Variants in C12orf50 observed in about 807,000 individuals in gnomAD.
The protein encoded by C12orf50 is uncharacterized protein C12orf50.
C12orf50 carries 35 observed loss-of-function variants against 61.6 expected under a neutral mutation model. That is an observed-to-expected ratio of 0.57 (90% CI 0.43 to 0.75). The LOEUF is 0.75. C12orf50 is among the 30% of genes least tolerant of loss of function. The pLI, the probability that C12orf50 is intolerant of heterozygous loss-of-function variation, is 0.00. For missense variants in C12orf50, 475 were observed against 488.5 expected (o/e 0.97, Z 0.26); for synonymous variants, 178 against 161.5 (o/e 1.10, Z -0.77).
At chr12:88,003,645 G>T (rs186879218) in intron 3 of C12orf50, among the ~76,000 whole-genome samples, 96 of 152,104 alleles carry the variant, frequency 6.3e-4, no homozygotes, top group African/African-American at 2.2e-3. Flanking sequence ...ATTACTGCCT[G>T]TATTGTTTCT....
intron 3 of C12orf50, among the ~76,000 whole-genome samples, chr12:88,004,646 G>A (rs1399891271): frequency 1.3e-5 from 2 of 152,124 alleles, no homozygotes; most frequent in Non-Finnish European, 2.9e-5. Flanking sequence ...GCCCAACAAT[G>A]GTAGACTGGA....
intron 3 of C12orf50, among the ~76,000 whole-genome samples, chr12:88,002,318 T>A (rs2031686282): frequency 6.6e-6 from 1 of 151,798 alleles, no homozygotes; most frequent in Non-Finnish European, 1.5e-5. Context: ...TCTCTCAACT[T>A]TTAAAACCAT....
At chr12:88,022,384 A>G (rs1375514254) in intron 3 of C12orf50, among the ~76,000 whole-genome samples, 2 of 152,144 alleles carry the variant, frequency 1.3e-5, no homozygotes, top group African/African-American at 2.4e-5. Context: ...TGTAAAACCC[A>G]CAGCCTACAT....
At position 88,010,824 on chromosome 12, in the gene C12orf50, C is replaced by T. The variant is rs575919980; in HGVS notation, c.134-12634G>A. Among the ~76,000 whole-genome samples, 36 of 152,040 alleles carry T rather than the reference C, an allele frequency of 2.4e-4. No individual in the cohort carries two copies. The South Asian group carries it at 2.7e-3, about 11-fold the overall frequency. On this transcript the variant is annotated intron_variant, in intron 3 of 12. Transcript: ENST00000298699. ...ATAATTCAAGTGCATTACTTGACAA[C>T]CAAGTAATGCAGTAAAACTTCAGAC...
intron 1 of C12orf50, among the ~76,000 whole-genome samples, chr12:88,028,657 T>G (rs1301790434): frequency 1.3e-5 from 2 of 152,132 alleles, no homozygotes; most frequent in Non-Finnish European, 2.9e-5. Context: ...TTTATTACAC[T>G]AAGATTGACA....
intron 3 of C12orf50, among the ~76,000 whole-genome samples, chr12:88,006,265 T>G (rs942633296): frequency 6.6e-6 from 1 of 152,138 alleles, no homozygotes; most frequent in African/African-American, 2.4e-5. Flanking sequence ...TTTGGTAAAC[T>G]TCTAGCTGGT....
intron 3 of C12orf50, among the ~76,000 whole-genome samples, chr12:88,016,196 C>T (rs1326686399): frequency 6.6e-6 from 1 of 152,088 alleles, no homozygotes; most frequent in Non-Finnish European, 1.5e-5. Context: ...TAACCTGAGA[C>T]AAAATTACAC....
Position 88,026,486 on chromosome 12 carries a change from A to C in C12orf50, c.133+2T>G. On this transcript the variant is annotated splice_donor_variant, in intron 3 of 12. Transcript: ENST00000298699. LOFTEE classifies it high-confidence loss of function. ...TCTATGTTATTCAAAAAATGTACTC[A>C]CTGCTACTTGGTGGCAAAAATAATC... 1 of 1,613,386 alleles carries C rather than the reference A, an allele frequency of 6.2e-7. No individual in the cohort carries two copies. Among genetic ancestry groups the C allele is most frequent in the Non-Finnish European group, 8.5e-7 (1 of 1,179,818 alleles).
rs1468424630 is a variant in C12orf50, at chr12:87,980,310, T to C, written c.*21A>G. On this transcript the variant is annotated 3_prime_UTR_variant, in exon 13 of 13. Transcript: ENST00000298699. ...ATGTCTGGCAATTTTTTCTCATTTTTCTCTCTCTCAACCTCCAGGTTTACT... is the reference window on the plus strand; with the variant it reads ...ATGTCTGGCAATTTTTTCTCATTTTCCTCTCTCTCAACCTCCAGGTTTACT... 1.2e-6 allele frequency: 2 copies of C among 1,603,236 alleles called. No individual in the cohort carries two copies. Among genetic ancestry groups the C allele is most frequent in the African/African-American group, 1.3e-5 (1 of 74,430 alleles).
chr12:88,001,743 GTCTATTTTA>G (rs2031664118), intron 3 of C12orf50, among the ~76,000 whole-genome samples: 1 of 150,932 alleles, frequency 6.6e-6, no homozygotes, highest in Admixed American at 6.6e-5. Context: ...CTAGAAATTT[GTCTATTTTA>G]TATAAGTTAT....
chr12:87,992,416 T>A (rs753869148), intron 7 of C12orf50, among the ~76,000 whole-genome samples: 1 of 152,088 alleles, frequency 6.6e-6, no homozygotes, highest in Non-Finnish European at 1.5e-5. Context: ...ATATATATAC[T>A]ATATACATAG....
At chr12:87,985,696 C>CATGATTTAAAGGAT in intron 11 of C12orf50, 154 bp downstream of exon 11, 1 of 721,020 alleles carries the variant, frequency 1.4e-6, no homozygotes, top group Non-Finnish European at 2.4e-6. Flanking sequence ...CAGGACTGCA[C>CATGATTTAAAGGAT]ATGGAAGAAA....
Position 87,980,350 on chromosome 12 carries a change from C to A in C12orf50, c.1226G>T (p.Arg409Ile), listed in dbSNP as rs554539493. The A allele has an allele frequency of 2.5e-6, 4 of 1,609,154 alleles. No individual in the cohort carries two copies. The African/African-American group carries it at 4.0e-5, about 16-fold the overall frequency. Reference protein sequence around the residue: ...SKSEKIYPEPRRNGSK With the variant: ...SKSEKIYPEPIRNGSK ...CCAGGTTTACTTGCTCCCATTTCTT[C>A]TTGGCTCTAATAATAAAATACACAA... Residue 409 changes from arginine (R) to isoleucine (I), a missense_variant, in exon 13 of 13, where the codon AGA becomes ATA. Transcript: ENST00000298699.
chr12:88,011,385 C>T (rs2032104139), intron 3 of C12orf50, among the ~76,000 whole-genome samples: 1 of 152,084 alleles, frequency 6.6e-6, no homozygotes. Context: ...GAAGGACTTA[C>T]TTCTTCTGAG....
intron 7 of C12orf50, among the ~76,000 whole-genome samples, chr12:87,993,831 A>G (rs4421822): frequency 0.023 from 3,446 of 152,310 alleles, 136 homozygotes; most frequent in African/African-American, 0.077. Flanking sequence ...AAGCAGTTCC[A>G]AAATATTTAA....
In C12orf50 at chr12:87,989,301, C is replaced by T. The variant is rs767994855; in HGVS notation, c.663G>A (p.Glu221=). 1 of 1,610,642 alleles carries T rather than the reference C, an allele frequency of 6.2e-7. No homozygotes were observed. Among genetic ancestry groups the T allele is most frequent in the Non-Finnish European group, 8.5e-7 (1 of 1,177,840 alleles). ...GVDESEALTE[E]KEITISKCSN... is the part of the protein sequence containing the mutation. ...AACATTTTGATATGGTGATTTCTTT[C>T]TCTTCAGTTAAAGCTTCACTTTCAT... Residue 221 remains glutamate (E), a synonymous_variant, in exon 8 of 13, where the codon GAG becomes GAA. Transcript: ENST00000298699.
rs139770635 is a variant in C12orf50 at position 88,017,519 on chromosome 12, G to C, written c.133+8969C>G. On this transcript the variant is annotated intron_variant, in intron 3 of 12. Coordinates refer to ENST00000298699, the MANE Select transcript of C12orf50 (RefSeq NM_152589.3). The stretch of plus-strand genomic sequence containing the variant: ...AAAAACAGACTAATACAGTAAACTG[G>C]TGCCAGTAGAGTGGAGCACTGCTGG... Among the ~76,000 whole-genome samples, 4 of 152,326 alleles carry C rather than the reference G, an allele frequency of 2.6e-5. No individual in the cohort carries two copies. The East Asian group carries it at 7.7e-4, about 29-fold the overall frequency.
At chr12:88,026,217 C>A (rs1279244073) in intron 3 of C12orf50, among the ~76,000 whole-genome samples, 1 of 152,134 alleles carries the variant, frequency 6.6e-6, no homozygotes, top group African/African-American at 2.4e-5. Context: ...TTAGTGAGGT[C>A]AGTAGCTGTC....
intron 3 of C12orf50, among the ~76,000 whole-genome samples, chr12:88,013,632 G>A (rs1422014386): frequency 1.3e-5 from 2 of 152,156 alleles, no homozygotes; most frequent in Admixed American, 1.3e-4. Flanking sequence ...CTTATATGCA[G>A]ATATGTAAAT....
Sources: gnomAD v4.1 joint callset for allele counts (sites outside exome capture counted in the v4.1 genomes callset) on GRCh38, gnomAD v4.1.1 for gene constraint, MANE v1.5 for transcripts, NCBI Gene and HGNC (gene_info 2026-07-23, HGNC 2026-07-21) for gene names.